Variants in NBEAL1 observed in about 807,000 individuals in gnomAD.
The protein encoded by NBEAL1 is neurobeachin-like protein 1.
NBEAL1 carries 273 observed loss-of-function variants against 351.3 expected under a neutral mutation model. The ratio of observed to expected loss-of-function variants is 0.78; its 90% CI spans 0.70 to 0.86. The LOEUF (loss-of-function observed/expected upper bound fraction) is 0.86, where lower values mean the gene tolerates loss of function less well. Among genes scored for constraint, NBEAL1 ranks in the 40% least tolerant of loss-of-function variants. NBEAL1 has a pLI of 0.00. For synonymous variants in NBEAL1, 1,050 were observed against 1,086.4 expected (o/e 0.97, Z 0.66); for missense variants, 2,961 against 3,201.3 (o/e 0.92, Z 1.81).
chr2:203,179,564 A>G (rs1277207662), intron 42 of NBEAL1, among the ~76,000 whole-genome samples: 1 of 152,166 alleles, frequency 6.6e-6, no homozygotes, highest in Non-Finnish European at 1.5e-5. Context: ...AGTAAAACAT[A>G]AAAGCTTTAG....
chr2:203,097,246 A>G (rs912072048), intron 10 of NBEAL1, among the ~76,000 whole-genome samples: 8 of 152,222 alleles, frequency 5.3e-5, no homozygotes, highest in African/African-American at 1.9e-4. Context: ...GAGCCAAACC[A>G]TATCAACTGT....
intron 2 of NBEAL1, among the ~76,000 whole-genome samples, chr2:203,037,810 C>CA (rs942813986): frequency 1.3e-5 from 2 of 148,568 alleles, no homozygotes; most frequent in African/African-American, 4.9e-5. Context: ...TACAAAAATA[C>CA]AAAAAATACA....
chr2:203,169,891 T>C (rs1401217319), intron 39 of NBEAL1, 40 bp downstream of exon 39: 3 of 1,189,564 alleles, frequency 2.5e-6, no homozygotes, highest in East Asian at 5.0e-5. Flanking sequence ...TGTTCTGCTC[T>C]TCATTTTAAG....
At position 203,145,140 on chromosome 2, in the gene NBEAL1, GA is replaced by G. The variant is rs749019216; in HGVS notation, c.5287del (p.Ser1763AlafsTer22). On this transcript the variant is annotated frameshift_variant, in exon 33 of 56. Transcript: ENST00000683969. LOFTEE classifies it high-confidence loss of function. ...NMHKRDREGGESKLKFQELFV... is the reference protein window; with the variant it reads ...NMHKRDREGGXSKLKFQELFV... ...GCATAAACGAGACCGGGAAGGAGGG[GA>G]AAGCAAGCTCAAATTTCAGGTAAAA... is the stretch of plus-strand genomic sequence containing the variant. 2 of 1,599,294 alleles carry G rather than the reference GA, an allele frequency of 1.3e-6. No individual in the cohort carries two copies. The highest frequency in any genetic ancestry group is 1.7e-6 in the Non-Finnish European group (2 of 1,175,962).
intron 18 of NBEAL1, among the ~76,000 whole-genome samples, chr2:203,117,092 A>T (rs959036829): frequency 2.6e-5 from 4 of 151,406 alleles, no homozygotes; most frequent in African/African-American, 9.7e-5. Context: ...ACAGACTGAG[A>T]CTCCATCTCA....
chr2:203,217,338 C>T lies in NBEAL1; in HGVS notation c.8156C>T (p.Thr2719Ile), dbSNP rs769725563. Reference sequence around the variant, plus strand: ...TCAGCTGGAGAAACTGAATATAATACTCAAGATTCCAAGTGATTGTTATTT... The same window carrying T: ...TCAGCTGGAGAAACTGAATATAATATTCAAGATTCCAAGTGATTGTTATTT... ...QISAGETEYN[T>I]QDSK is the part of the protein sequence containing the mutation. The change falls in exon 56 of 56, where the codon ACT becomes ATT. Residue 2719 changes from threonine to isoleucine, a missense_variant. Coordinates refer to ENST00000683969, the MANE Select transcript of NBEAL1 (RefSeq NM_001378026.1). 4 of 1,577,326 alleles carry T rather than the reference C, an allele frequency of 2.5e-6. No individual in the cohort carries two copies. Among genetic ancestry groups the T allele is most frequent in the African/African-American group, 1.4e-5 (1 of 73,170 alleles).
At chr2:203,216,399 A>G (rs2065896357) in intron 55 of NBEAL1, among the ~76,000 whole-genome samples, 1 of 152,096 alleles carries the variant, frequency 6.6e-6, no homozygotes. Context: ...ACAGTACTGC[A>G]AATTCTAGAA....
In NBEAL1 at chr2:203,201,621, A is replaced by C; in HGVS notation, c.7317A>C (p.Ala2439=). ...AGCTATTTGTAGTATCACATGATGC[A>C]AAGTTGCTCTTCAGTGCTGGATACT... ...TSKLFVVSHD[A]KLLFSAGYWD... Residue 2439 remains alanine (A), a synonymous_variant, in exon 50 of 56, where the codon GCA becomes GCC. Transcript: ENST00000683969. 2 of 1,612,770 alleles carry C rather than the reference A, an allele frequency of 1.2e-6. No homozygotes were observed. Among genetic ancestry groups the C allele is most frequent in the Non-Finnish European group, 1.7e-6 (2 of 1,179,310 alleles).
rs537907850 is a variant in NBEAL1 at position 203,141,526 on chromosome 2, G to A, written c.4848+2778G>A. The stretch of plus-strand genomic sequence containing the variant: ...GCCTCCCAAGTCGTTGGGGCTACAG[G>A]CGTGTGCCACCACACATGGCTAATT... On this transcript the variant is annotated intron_variant, in intron 31 of 55. Transcript: ENST00000683969. Among the ~76,000 whole-genome samples the A allele has an allele frequency of 2.9e-3, 439 of 150,908 alleles. 2 individuals carry two copies. Among genetic ancestry groups the A allele is most frequent in the Non-Finnish European group, 5.6e-3 (381 of 67,732 alleles).
At chr2:203,080,382 A>AG (rs970146720) in intron 8 of NBEAL1, among the ~76,000 whole-genome samples, 1 of 152,172 alleles carries the variant, frequency 6.6e-6, no homozygotes, top group Non-Finnish European at 1.5e-5. Flanking sequence ...ACTGCACTCC[A>AG]GCCTGGGCAA....
chr2:203,064,338 C>G (rs182279745), intron 6 of NBEAL1, among the ~76,000 whole-genome samples: 1 of 152,314 alleles, frequency 6.6e-6, no homozygotes, highest in East Asian at 1.9e-4. Context: ...CAGGTGTGAG[C>G]CACTGCGCCC....
intron 6 of NBEAL1, among the ~76,000 whole-genome samples, chr2:203,067,117 G>A (rs1327730364): frequency 6.6e-6 from 1 of 152,218 alleles, no homozygotes; most frequent in Non-Finnish European, 1.5e-5. Flanking sequence ...CCCAGGCGGG[G>A]CGGCCAAAAT....
intron 47 of NBEAL1, among the ~76,000 whole-genome samples, chr2:203,196,870 G>A (rs1392552853): frequency 6.6e-6 from 1 of 152,100 alleles, no homozygotes; most frequent in Non-Finnish European, 1.5e-5. Context: ...CTAGTTAATG[G>A]GTTAGAAGTG....
intron 18 of NBEAL1, among the ~76,000 whole-genome samples, chr2:203,117,235 C>T (rs1036908187): frequency 1.3e-5 from 2 of 152,060 alleles, no homozygotes; most frequent in South Asian, 2.1e-4. Context: ...GAGACCGAGG[C>T]GGGCGGATCA....
intron 12 of NBEAL1, among the ~76,000 whole-genome samples, chr2:203,103,486 G>T (rs2062370996): frequency 6.6e-6 from 1 of 152,092 alleles, no homozygotes; most frequent in Admixed American, 6.6e-5. Flanking sequence ...TGGCCAGACT[G>T]GTCTTGAACT....
chr2:203,126,713 A>G lies in NBEAL1; in HGVS notation c.3142A>G (p.Ile1048Val). The stretch of plus-strand genomic sequence containing the variant: ...GAACCGTGGAGATTTTCCCTTTCGA[A>G]TCGGTGAGAGCAGGCTTTCAGATAA... ...IWNRGDFPFR[I>V]GHIQYLSTII... Residue 1048 changes from isoleucine (I) to valine (V), a missense_variant, in exon 22 of 56, where the codon ATC becomes GTC. Physicochemically the swap from Ile to Val is conservative, Grantham distance 29. Coordinates refer to ENST00000683969, the MANE Select transcript of NBEAL1 (RefSeq NM_001378026.1). 8.6e-6 allele frequency: 13 copies of G among 1,505,900 alleles called. No homozygotes were observed. The highest frequency in any genetic ancestry group is 2.5e-5 in the East Asian group (1 of 40,672). The allele number at this position is 1,505,900 out of a possible 1,614,324, so 93.3% of individuals were successfully genotyped here. A position where few individuals can be genotyped will look rare whatever the true frequency, so the allele number is the denominator to read the frequency against.
In NBEAL1 at chr2:203,128,355, G is replaced by C. The variant is rs187078577; in HGVS notation, c.3405+418G>C. 2.6e-3 allele frequency among the ~76,000 whole-genome samples: 357 copies of C among 139,142 alleles called. 1 individual carries two copies. Among genetic ancestry groups the C allele is most frequent in the Admixed American group, 0.011 (141 of 12,842 alleles). 91.3% of individuals were successfully genotyped at this position (139,142 alleles called of 152,430 possible). A position where few individuals can be genotyped will look rare whatever the true frequency, so the allele number is the denominator to read the frequency against. On this transcript the variant is annotated intron_variant, in intron 24 of 55. Coordinates refer to ENST00000683969, the MANE Select transcript of NBEAL1 (RefSeq NM_001378026.1). Reference sequence around the variant, plus strand: ...ACTCCTAACCTCAAATGGTCTACCCGCCTAGGGCTCCCAAAGTGCTAGGAT... The same window carrying C: ...ACTCCTAACCTCAAATGGTCTACCCCCCTAGGGCTCCCAAAGTGCTAGGAT...
At chr2:203,119,256 C>T (rs2062770284) in intron 18 of NBEAL1, among the ~76,000 whole-genome samples, 1 of 151,000 alleles carries the variant, frequency 6.6e-6, no homozygotes, top group Admixed American at 6.6e-5. Flanking sequence ...TAGCCTCATC[C>T]TCCTGGGCTC....
chr2:203,117,280 C>T (rs1410061906), intron 18 of NBEAL1, among the ~76,000 whole-genome samples: 5 of 151,694 alleles, frequency 3.3e-5, no homozygotes, highest in South Asian at 2.1e-4. Flanking sequence ...CTGGCTAACA[C>T]GGTGAAACCC....
Sources: gnomAD v4.1 joint callset for allele counts (sites outside exome capture counted in the v4.1 genomes callset) on GRCh38, gnomAD v4.1.1 for gene constraint, MANE v1.5 for transcripts, NCBI Gene and HGNC (gene_info 2026-07-23, HGNC 2026-07-21) for gene names.